Variants in SYNPR observed in about 807,000 individuals in gnomAD.
SYNPR encodes the protein synaptoporin.
Under a neutral mutation model 32.9 loss-of-function variants are expected in SYNPR, and 23 were observed. The ratio of observed to expected loss-of-function variants is 0.70; its 90% CI spans 0.50 to 0.99. The LOEUF (loss-of-function observed/expected upper bound fraction) is 0.99, where lower values mean the gene tolerates loss of function less well. Ranked by LOEUF, SYNPR falls within the 50% of genes least tolerant of loss-of-function variation. SYNPR has a pLI of 0.00. For synonymous variants in SYNPR, 146 were observed against 135.9 expected, an observed-to-expected ratio of 1.07 and a Z score of -0.52; for missense variants, 318 against 349.3, an observed-to-expected ratio of 0.91 and a Z score of 0.71.
intron 1 of SYNPR, among the ~76,000 whole-genome samples, chr3:63,243,872 A>G (rs557756338): frequency 1.3e-3 from 201 of 152,148 alleles, no homozygotes; most frequent in African/African-American, 4.6e-3. Flanking sequence ...TGGAATAAAA[A>G]AAACAAAAAC....
At chr3:63,329,722 C>T (rs976145294) in intron 2 of SYNPR, among the ~76,000 whole-genome samples, 41 of 152,102 alleles carry the variant, frequency 2.7e-4, no homozygotes, top group African/African-American at 9.7e-4. Flanking sequence ...AACACATTTG[C>T]CTTTTCCAGA....
chr3:63,511,430 C>A lies in SYNPR; in HGVS notation c.209+30474C>A, dbSNP rs139433448. On this transcript the variant is annotated intron_variant, in intron 3 of 5. Coordinates refer to ENST00000478300, the MANE Select transcript of SYNPR (RefSeq NM_001130003.2). ...TGTTTTAATACAGTTGGAGTCGAGG[C>A]TGCTTTTGTGTCCTTGTTTTGCAAA... is the stretch of plus-strand genomic sequence containing the variant. Among the ~76,000 whole-genome samples, 526 of 152,246 alleles carry A rather than the reference C, an allele frequency of 3.5e-3. 3 individuals carry two copies. The highest frequency in any genetic ancestry group is 0.012 in the African/African-American group (503 of 41,558).
At chr3:63,426,586 A>G (rs1315123579) in intron 2 of SYNPR, 4 of 152,182 alleles carry the variant, frequency 2.6e-5, no homozygotes, top group African/African-American at 9.7e-5. Context: ...ATACTTCTCC[A>G]TACATTGCAT....
chr3:63,372,740 A>C (rs575061734), intron 2 of SYNPR, among the ~76,000 whole-genome samples: 2 of 152,324 alleles, frequency 1.3e-5, no homozygotes, highest in Admixed American at 6.5e-5. Context: ...AGCTGGGGTG[A>C]AAACATAAAG....
At chr3:63,455,121 A>G (rs1700457332) in intron 2 of SYNPR, among the ~76,000 whole-genome samples, 1 of 152,094 alleles carries the variant, frequency 6.6e-6, no homozygotes. Context: ...AGTGAATTCT[A>G]CCAGCTAAGT....
chr3:63,416,608 A>G (rs2088544636), intron 2 of SYNPR, among the ~76,000 whole-genome samples: 1 of 151,526 alleles, frequency 6.6e-6, no homozygotes, highest in Non-Finnish European at 1.5e-5. Context: ...GTCCGTTTTC[A>G]TGCTACTAAT....
chr3:63,341,304 T>C (rs2087367748), intron 2 of SYNPR, among the ~76,000 whole-genome samples: 1 of 152,088 alleles, frequency 6.6e-6, no homozygotes. Flanking sequence ...GGACATCTTG[T>C]TTGCTTCCAG....
chr3:63,568,733 T>C (rs1040252575), intron 4 of SYNPR, among the ~76,000 whole-genome samples: 1 of 152,050 alleles, frequency 6.6e-6, no homozygotes, highest in Non-Finnish European at 1.5e-5. Flanking sequence ...GAGAAAAAGA[T>C]AGAGGGAGAG....
chr3:63,520,821 G>A lies in SYNPR; in HGVS notation c.210-35722G>A, dbSNP rs537841960. Among the ~76,000 whole-genome samples, 115 of 152,270 alleles carry A rather than the reference G, an allele frequency of 7.6e-4. 1 individual carries two copies. Among genetic ancestry groups the A allele is most frequent in the Middle Eastern group, 6.8e-3 (2 of 294 alleles). On this transcript the variant is annotated intron_variant, in intron 3 of 5. Transcript: ENST00000478300. The stretch of plus-strand genomic sequence containing the variant: ...GCCATGATTTGGCCCTGTCTACCCT[G>A]CAGGGTCTGCCTGCCCATGACTTTG...
chr3:63,512,912 T>C (rs1007112273), intron 3 of SYNPR, among the ~76,000 whole-genome samples: 4 of 152,094 alleles, frequency 2.6e-5, no homozygotes, highest in Non-Finnish European at 4.4e-5. Context: ...AATCTAAATT[T>C]TAAAAGTCCT....
At chr3:63,229,999 C>T (rs1023382153) in intron 1 of SYNPR, among the ~76,000 whole-genome samples, 1 of 152,118 alleles carries the variant, frequency 6.6e-6, no homozygotes, top group Non-Finnish European at 1.5e-5. Context: ...AACTCAGATA[C>T]CACCAGTGGT....
At chr3:63,229,224 T>G (rs9311860) in intron 1 of SYNPR, among the ~76,000 whole-genome samples, 1 of 151,894 alleles carries the variant, frequency 6.6e-6, no homozygotes, top group African/African-American at 2.4e-5. Flanking sequence ...TTTGGAAAGA[T>G]TGAAAGAGAC....
intron 3 of SYNPR, among the ~76,000 whole-genome samples, chr3:63,481,393 C>T (rs1394287109): frequency 1.3e-5 from 2 of 151,544 alleles, no homozygotes; most frequent in African/African-American, 2.4e-5. Flanking sequence ...CCAAGAGGAT[C>T]TGTATACTAT....
At chr3:63,260,301 C>T (rs1022632925) in intron 2 of SYNPR, among the ~76,000 whole-genome samples, 31 of 152,160 alleles carry the variant, frequency 2.0e-4, no homozygotes, top group Admixed American at 2.6e-4. Context: ...GGAGGCATCA[C>T]GCTACCTGAC....
At chr3:63,353,403 A>C (rs141577317) in intron 2 of SYNPR, among the ~76,000 whole-genome samples, 5 of 152,352 alleles carry the variant, frequency 3.3e-5, no homozygotes, top group African/African-American at 1.2e-4. Flanking sequence ...GAGTGATGCC[A>C]CAGGCCACCT....
intron 3 of SYNPR, among the ~76,000 whole-genome samples, chr3:63,488,595 T>C (rs181260837): frequency 5.5e-4 from 84 of 152,286 alleles, no homozygotes; most frequent in African/African-American, 2.0e-3. Context: ...ACCTTCCTTA[T>C]AGTGTGGTTG....
At chr3:63,483,039 T>G (rs1353093437) in intron 3 of SYNPR, among the ~76,000 whole-genome samples, 1 of 152,200 alleles carries the variant, frequency 6.6e-6, no homozygotes, top group African/African-American at 2.4e-5. Flanking sequence ...GATAAAGCCT[T>G]TTTGGAGGAC....
At chr3:63,528,302 A>G (rs955006614) in intron 3 of SYNPR, among the ~76,000 whole-genome samples, 1 of 152,214 alleles carries the variant, frequency 6.6e-6, no homozygotes, top group Non-Finnish European at 1.5e-5. Context: ...TTAAGCAGGT[A>G]TCTTTTCTGA....
intron 2 of SYNPR, among the ~76,000 whole-genome samples, chr3:63,282,599 C>T (rs1276983649): frequency 6.6e-6 from 1 of 150,564 alleles, no homozygotes; most frequent in African/African-American, 2.4e-5. Context: ...GGGAGGATCG[C>T]TTGAGCCCAC....
Sources: allele counts gnomAD v4.1 joint callset (sites outside exome capture counted in the v4.1 genomes callset), GRCh38; gene constraint gnomAD v4.1.1; transcripts MANE v1.5; gene names NCBI Gene and HGNC (gene_info 2026-07-23, HGNC 2026-07-21).